LRGUK: variants seen among roughly 807,000 people sequenced by gnomAD.
The protein encoded by LRGUK is leucine-rich repeat and guanylate kinase domain-containing protein.
Under a neutral mutation model 76.0 loss-of-function variants are expected in LRGUK, and 65 were observed. The ratio of observed to expected loss-of-function variants is 0.85; its 90% CI spans 0.70 to 1.05. The LOEUF (loss-of-function observed/expected upper bound fraction) is 1.05. LRGUK is among the 50% of genes least tolerant of loss of function. The pLI is 0.00. For synonymous variants in LRGUK, 268 were observed against 265.6 expected, an observed-to-expected ratio of 1.01 and a Z score of -0.09; for missense variants, 758 against 732.8, an observed-to-expected ratio of 1.03 and a Z score of -0.40.
chr7:134,212,620 A>G (rs1011567688), downstream of LRGUK, among the ~76,000 whole-genome samples: 108 of 152,254 alleles, frequency 7.1e-4, 5 homozygotes, highest in African/African-American at 7.2e-5. Flanking sequence ...CATGATGAAA[A>G]TAATACAGTA....
chr7:134,242,006 A>T (rs1802169382), intron 16 of LRGUK, among the ~76,000 whole-genome samples: 1 of 152,226 alleles, frequency 6.6e-6, no homozygotes, highest in Admixed American at 6.5e-5. Flanking sequence ...TTTGAAACCA[A>T]TGAGAACAAA....
At chr7:134,189,837 A>C (rs75716438) in intron 11 of LRGUK, among the ~76,000 whole-genome samples, 1 of 152,218 alleles carries the variant, frequency 6.6e-6, no homozygotes, top group Non-Finnish European at 1.5e-5. Context: ...GCCTTCTCTT[A>C]GAATGTACTC....
intron 16 of LRGUK, among the ~76,000 whole-genome samples, chr7:134,226,747 T>C (rs1801774068): frequency 6.6e-6 from 1 of 152,210 alleles, no homozygotes; most frequent in Admixed American, 6.5e-5. Context: ...ATAATACCTA[T>C]CTTACAATGT....
chr7:134,241,742 C>G (rs1190596613), intron 16 of LRGUK, among the ~76,000 whole-genome samples: 1 of 152,194 alleles, frequency 6.6e-6, no homozygotes, highest in Admixed American at 6.5e-5. Context: ...CCCAAATCAA[C>G]AGAATATACA....
At chr7:134,185,641 T>C (rs1799953774) in intron 11 of LRGUK, among the ~76,000 whole-genome samples, 1 of 152,188 alleles carries the variant, frequency 6.6e-6, no homozygotes, top group Non-Finnish European at 1.5e-5. Context: ...AAGAAATTAC[T>C]TTTAGATTAG....
At chr7:134,186,824 C>T (rs143538727) in intron 11 of LRGUK, among the ~76,000 whole-genome samples, 164 of 152,312 alleles carry the variant, frequency 1.1e-3, no homozygotes, top group African/African-American at 3.7e-3. Flanking sequence ...GATGGCAAAA[C>T]AGAATCCTAA....
At chr7:134,147,317 C>G (rs776557284) in intron 4 of LRGUK, among the ~76,000 whole-genome samples, 1 of 151,906 alleles carries the variant, frequency 6.6e-6, no homozygotes, top group Non-Finnish European at 1.5e-5. Context: ...CGTCTATAGT[C>G]CCAGCTGCTC....
chr7:134,216,525 A>C (rs1801440922), intron 15 of LRGUK, among the ~76,000 whole-genome samples: 1 of 152,186 alleles, frequency 6.6e-6, no homozygotes, highest in Admixed American at 6.5e-5. Flanking sequence ...ATGAATTTCC[A>C]TGTGATACAC....
intron 6 of LRGUK, among the ~76,000 whole-genome samples, chr7:134,162,763 G>T (rs898046792): frequency 5.7e-5 from 8 of 141,418 alleles, no homozygotes; most frequent in Non-Finnish European, 1.2e-4. Flanking sequence ...AGAGGTGGAG[G>T]TTGCAGTGAG....
chr7:134,241,922 C>T (rs1456609531), intron 16 of LRGUK, among the ~76,000 whole-genome samples: 1 of 152,194 alleles, frequency 6.6e-6, no homozygotes, highest in Non-Finnish European at 1.5e-5. Flanking sequence ...TGCTCAACTA[C>T]ATGGAAACTG....
intron 18 of LRGUK, among the ~76,000 whole-genome samples, chr7:134,252,112 T>C (rs1259478500): frequency 6.6e-6 from 1 of 151,842 alleles, no homozygotes; most frequent in Non-Finnish European, 1.5e-5. Context: ...GGTAGAAGGA[T>C]TGGATCATTT....
chr7:134,236,532 C>T (rs1802021228), intron 16 of LRGUK, among the ~76,000 whole-genome samples: 1 of 152,192 alleles, frequency 6.6e-6, no homozygotes, highest in South Asian at 2.1e-4. Flanking sequence ...TCTTCTGTCC[C>T]TGAATTTCCT....
At chr7:134,158,446 G>T (rs1798577191) in intron 6 of LRGUK, among the ~76,000 whole-genome samples, 1 of 152,058 alleles carries the variant, frequency 6.6e-6, no homozygotes, top group Non-Finnish European at 1.5e-5. Flanking sequence ...GGAAAGAAAG[G>T]TATACTTTTA....
chr7:134,155,418 A>G (rs1376952293), intron 5 of LRGUK, among the ~76,000 whole-genome samples: 1 of 152,234 alleles, frequency 6.6e-6, no homozygotes, highest in Non-Finnish European at 1.5e-5. Context: ...TTATGAAAAC[A>G]GATTTGAAAA....
chr7:134,143,137 A>T, exon 4 of LRGUK: 3 of 1,608,114 alleles, frequency 1.9e-6, no homozygotes, highest in Non-Finnish European at 2.6e-6. Context: ...ACGTTCTTCA[A>T]TTTCAAGCCA....
At chr7:134,141,715 A>C (rs1797773538) in intron 3 of LRGUK, 1 of 152,180 alleles carries the variant, frequency 6.6e-6, no homozygotes, top group Admixed American at 6.5e-5. Context: ...AAGTTAGTAG[A>C]GTTGAGACCA....
At chr7:134,199,337 A>C in exon 14 of LRGUK, 3 of 1,613,978 alleles carry the variant, frequency 1.9e-6, no homozygotes, top group Non-Finnish European at 2.5e-6. Flanking sequence ...TCGTGCAGAA[A>C]TTGAATTTGC....
chr7:134,249,874 A>G (rs1396447027), intron 18 of LRGUK, among the ~76,000 whole-genome samples: 1 of 152,172 alleles, frequency 6.6e-6, no homozygotes, highest in Non-Finnish European at 1.5e-5. Context: ...AAACAAATTT[A>G]CACAAAGATC....
rs74428924 is a variant in LRGUK, at chr7:134,169,887, A to G, written c.940-4669A>G. On this transcript the variant is annotated intron_variant, in intron 7 of 15. Coordinates refer to ENST00000645682, the Ensembl canonical transcript of LRGUK. ...TTACTTAGGATAGATTCTTGGAAAT[A>G]CCATTACTGGATATAGGCATTTTTA... is the stretch of plus-strand genomic sequence containing the variant. Among the ~76,000 whole-genome samples, 1,356 of 152,222 alleles carry G rather than the reference A, an allele frequency of 8.9e-3. 22 individuals are homozygous for G. Among genetic ancestry groups the G allele is most frequent in the African/African-American group, 0.031 (1,275 of 41,560 alleles).
Sources: allele counts gnomAD v4.1 joint callset (sites outside exome capture counted in the v4.1 genomes callset), GRCh38; gene constraint gnomAD v4.1.1; transcripts MANE v1.5; gene names NCBI Gene and HGNC (gene_info 2026-07-23, HGNC 2026-07-21).